The following CORIN variants were observed in gnomAD, a reference collection of about 807,000 sequenced individuals.
The protein encoded by CORIN is corin, serine peptidase, also known as atrial natriuretic peptide-converting enzyme.
In CORIN, 117 loss-of-function variants were observed where a neutral mutation model predicts 125.3. The ratio of observed to expected loss-of-function variants is 0.93; its 90% confidence interval spans 0.80 to 1.09. The LOEUF is 1.09. Ranked by LOEUF, CORIN falls within the 50% of genes least tolerant of loss-of-function variation. The pLI is 0.00. For missense variants in CORIN, 1,253 were observed against 1,306.7 expected, an observed-to-expected ratio of 0.96 and a Z score of 0.63; for synonymous variants, 450 against 466.4, an observed-to-expected ratio of 0.96 and a Z score of 0.45.
At chr4:47,706,245 C>T (rs1726544122) in intron 5 of CORIN, 1 of 625,326 alleles carries the variant, frequency 1.6e-6, no homozygotes, top group Non-Finnish European at 2.8e-6. Context: ...AAATTCTTCA[C>T]AGCTGTAGAA....
rs545882039 is a variant in CORIN at position 47,734,551 on chromosome 4, T to C, written c.799+9851A>G. Among the ~76,000 whole-genome samples the C allele has an allele frequency of 3.9e-5, 6 of 152,372 alleles. No homozygotes were observed. The South Asian group carries it at 8.3e-4, about 21-fold the overall frequency. ...CTTTCTGTATCACAGCATATTTACA[T>C]GTAGTTATTAATGCTCTTTTAACAT... On this transcript the variant is annotated intron_variant, in intron 5 of 21. Coordinates refer to ENST00000273857, the MANE Select transcript of CORIN (RefSeq NM_006587.4).
In CORIN at chr4:47,661,746, T is replaced by C; in HGVS notation, c.1700A>G (p.Asn567Ser). ...TTCATCAGGCATCAGGCAGGTTTGATTGTCTGAATTTTCCTCTGGAAATTG... is the reference window on the plus strand; with the variant it reads ...TTCATCAGGCATCAGGCAGGTTTGACTGTCTGAATTTTCCTCTGGAAATTG... ...CSQFPEENSDNQTCLMPDEYV... is the reference protein window; with the variant it reads ...CSQFPEENSDSQTCLMPDEYV... Residue 567 changes from asparagine to serine, a missense_variant, in exon 12 of 22, where the codon AAT becomes AGT. Coordinates refer to ENST00000273857, the MANE Select transcript of CORIN (RefSeq NM_006587.4). 6 of 1,613,504 alleles carry C rather than the reference T, an allele frequency of 3.7e-6. No homozygotes were observed. The highest frequency in any genetic ancestry group is 1.1e-5 in the South Asian group (1 of 90,886).
At chr4:47,742,122 C>T (rs777841979) in intron 5 of CORIN, among the ~76,000 whole-genome samples, 2 of 151,868 alleles carry the variant, frequency 1.3e-5, no homozygotes, top group Non-Finnish European at 2.9e-5. Flanking sequence ...AAAAATAATA[C>T]ATCATCTTAA....
chr4:47,725,709 A>G (rs1727562208), intron 5 of CORIN, among the ~76,000 whole-genome samples: 2 of 152,134 alleles, frequency 1.3e-5, no homozygotes, highest in Non-Finnish European at 2.9e-5. Flanking sequence ...TGAGATAAGT[A>G]AATAGTTCTT....
chr4:47,598,515 G>C (rs1721335186), intron 21 of CORIN, among the ~76,000 whole-genome samples: 1 of 152,132 alleles, frequency 6.6e-6, no homozygotes, highest in South Asian at 2.1e-4. Flanking sequence ...TCAGCTCTCT[G>C]TCAAGGAATC....
intron 2 of CORIN, among the ~76,000 whole-genome samples, chr4:47,793,255 A>C (rs1731154870): frequency 6.6e-6 from 1 of 152,136 alleles, no homozygotes; most frequent in African/African-American, 2.4e-5. Context: ...TCTATACATC[A>C]ATCCCCGAGC....
intron 5 of CORIN, among the ~76,000 whole-genome samples, chr4:47,731,078 G>T (rs1347857165): frequency 6.6e-6 from 1 of 152,170 alleles, no homozygotes; most frequent in Non-Finnish European, 1.5e-5. Context: ...GACAAATCAG[G>T]TATGGAGTGA....
At chr4:47,657,526 C>T (rs1724047655) in intron 12 of CORIN, among the ~76,000 whole-genome samples, 1 of 140,770 alleles carries the variant, frequency 7.1e-6, no homozygotes, top group Non-Finnish European at 1.5e-5. Context: ...CAGAGCGAAA[C>T]TCCGTCTCCA....
chr4:47,800,521 C>A (rs557329343), intron 2 of CORIN, among the ~76,000 whole-genome samples: 1 of 152,130 alleles, frequency 6.6e-6, no homozygotes, highest in East Asian at 1.9e-4. Flanking sequence ...ACAGATCTGT[C>A]CAGGGATAAT....
At chr4:47,624,998 T>C (rs1722492023) in intron 17 of CORIN, among the ~76,000 whole-genome samples, 1 of 152,132 alleles carries the variant, frequency 6.6e-6, no homozygotes, top group Non-Finnish European at 1.5e-5. Flanking sequence ...ATACAATAAA[T>C]TATGTAATAC....
At chr4:47,741,741 T>C (rs934696341) in intron 5 of CORIN, among the ~76,000 whole-genome samples, 5 of 152,070 alleles carry the variant, frequency 3.3e-5, no homozygotes, top group African/African-American at 1.2e-4. Context: ...AATGAAGTAC[T>C]AATAATACAT....
At chr4:47,760,491 C>T (rs967249865) in intron 4 of CORIN, among the ~76,000 whole-genome samples, 3 of 152,084 alleles carry the variant, frequency 2.0e-5, no homozygotes, top group Admixed American at 6.6e-5. Context: ...TATTGGATCT[C>T]GATTCCATTC....
rs1025767284 is a variant in CORIN, at chr4:47,706,294, C to A, written c.800-13211G>T. 8 of 1,011,024 alleles carry A rather than the reference C, an allele frequency of 7.9e-6. No individual in the cohort carries two copies. In the African/African-American group the frequency reaches 1.3e-4, roughly 16 times the overall value. 62.6% of individuals were successfully genotyped at this position (1,011,024 alleles called of 1,614,324 possible). ...ATTTGTTGGTATCATAAGCTCTAAA[C>A]TGCTCTACTCTATGGACTTTCAAGA... On this transcript the variant is annotated intron_variant, in intron 5 of 21. Transcript: ENST00000273857.
chr4:47,663,831 G>T (rs1162589040), intron 11 of CORIN, among the ~76,000 whole-genome samples: 1 of 152,076 alleles, frequency 6.6e-6, no homozygotes, highest in Non-Finnish European at 1.5e-5. Context: ...ACTTTTAAAA[G>T]TACTTAGCAG....
At chr4:47,637,969 C>G (rs575491951) in intron 16 of CORIN, among the ~76,000 whole-genome samples, 3 of 152,350 alleles carry the variant, frequency 2.0e-5, no homozygotes, top group African/African-American at 7.2e-5. Context: ...AGGAGGGAGG[C>G]TGTACCCTGC....
At chr4:47,690,698 T>C (rs1237055177) in intron 6 of CORIN, among the ~76,000 whole-genome samples, 2 of 152,220 alleles carry the variant, frequency 1.3e-5, no homozygotes, top group African/African-American at 2.4e-5. Flanking sequence ...ACAGCAAAAC[T>C]TCCTTCTCCT....
intron 10 of CORIN, among the ~76,000 whole-genome samples, chr4:47,673,186 AT>A (rs1477141312): frequency 6.2e-5 from 2 of 32,230 alleles, no homozygotes; most frequent in Non-Finnish European, 1.1e-4. Flanking sequence ...CAAAAAATAA[AT>A]AAATAAATAA....
chr4:47,679,957 A>G (rs546477125), intron 8 of CORIN, 184 bp downstream of exon 8: 3 of 473,368 alleles, frequency 6.3e-6, no homozygotes, highest in African/African-American at 4.0e-5. Context: ...GAAGTCAGAT[A>G]CACTCCATTG....
At chr4:47,702,219 T>C (rs1260548895) in intron 5 of CORIN, among the ~76,000 whole-genome samples, 1 of 152,150 alleles carries the variant, frequency 6.6e-6, no homozygotes, top group Non-Finnish European at 1.5e-5. Context: ...CTATGAATCA[T>C]AAAATGATAG....
Sources: allele counts gnomAD v4.1 joint callset (sites outside exome capture counted in the v4.1 genomes callset), GRCh38; gene constraint gnomAD v4.1.1; transcripts MANE v1.5; gene names NCBI Gene and HGNC (gene_info 2026-07-23, HGNC 2026-07-21).